The following ARFGAP3 variants were observed in gnomAD, a reference collection of about 807,000 sequenced individuals.
The protein encoded by ARFGAP3 is ADP-ribosylation factor GTPase-activating protein 3.
ARFGAP3 carries 72 observed loss-of-function variants against 75.0 expected under a neutral mutation model. The ratio of observed to expected loss-of-function variants is 0.96; its 90% CI spans 0.79 to 1.17. The LOEUF is 1.17. Among genes scored for constraint, ARFGAP3 ranks in the 50% most tolerant of loss-of-function variants. The pLI is 0.00. For missense variants in ARFGAP3, 620 were observed against 626.6 expected (o/e 0.99, Z 0.11); for synonymous variants, 221 against 217.9 (o/e 1.01, Z -0.13).
intron 2 of ARFGAP3, among the ~76,000 whole-genome samples, chr22:42,843,528 C>CCG (rs974927973): frequency 3.1e-4 from 47 of 152,290 alleles, no homozygotes; most frequent in African/African-American, 1.0e-3. Flanking sequence ...GCCACCATGC[C>CCG]CGGCCTTGTC....
At position 42,821,525 on chromosome 22, in the gene ARFGAP3, A is replaced by G. The variant is rs907616972; in HGVS notation, c.812+745T>C. 2.0e-5 allele frequency among the ~76,000 whole-genome samples: 3 copies of G among 152,298 alleles called. No individual in the cohort carries two copies. In the South Asian group the frequency reaches 6.2e-4, roughly 32 times the overall value. ...CTTCTTTCTTAGCATAAACTTTTCA[A>G]GGTTTATCCATGTTGTGGCCAATAT... On this transcript the variant is annotated intron_variant, in intron 9 of 15. Transcript: ENST00000263245.
At position 42,825,084 on chromosome 22, in the gene ARFGAP3, T is replaced by TC. The variant is rs1362491874; in HGVS notation, c.626-1383dup. On this transcript the variant is annotated intron_variant, in intron 7 of 15. Coordinates refer to ENST00000263245, the MANE Select transcript of ARFGAP3 (RefSeq NM_014570.5). ...CGCAGCCTGGACAACATAGGGAGAC[T>TC]CCATCTCCACAAACAAACAAACAAA... Among the ~76,000 whole-genome samples the TC allele has an allele frequency of 2.0e-5, 3 of 152,098 alleles. 1 individual carries two copies. The highest frequency in any genetic ancestry group is 7.2e-5 in the African/African-American group (3 of 41,420).
chr22:42,834,788 G>C (rs1246584850), intron 4 of ARFGAP3, among the ~76,000 whole-genome samples: 1 of 152,178 alleles, frequency 6.6e-6, no homozygotes, highest in Non-Finnish European at 1.5e-5. Context: ...ACACTACTCT[G>C]CCTTCTTGTT....
intron 3 of ARFGAP3, among the ~76,000 whole-genome samples, chr22:42,839,123 G>A (rs12165372): frequency 0.054 from 6,875 of 126,828 alleles, 408 homozygotes; most frequent in African/African-American, 0.15. Flanking sequence ...AAAAAAAAAA[G>A]AAAAAAAAAA....
chr22:42,802,572 C>T (rs898609058), intron 14 of ARFGAP3, among the ~76,000 whole-genome samples: 19 of 150,462 alleles, frequency 1.3e-4, no homozygotes, highest in African/African-American at 3.7e-4. Context: ...GGATTACAGG[C>T]GAGAGCCACC....
intron 7 of ARFGAP3, among the ~76,000 whole-genome samples, chr22:42,826,511 C>G (rs1192580022): frequency 1.3e-5 from 2 of 151,944 alleles, no homozygotes; most frequent in Non-Finnish European, 2.9e-5. Flanking sequence ...TCCCAAGTAG[C>G]TGGGACTACA....
In ARFGAP3 at chr22:42,826,930, A is replaced by C; in HGVS notation, c.625+10T>G. On this transcript the variant is annotated intron_variant, in intron 7 of 15. Transcript: ENST00000263245. ...CTTTAAATCAGAATGTAGGATTTTA[A>C]GCATATTACCTAAAGTAGCCTTTGT... 1 of 1,610,658 alleles carries C rather than the reference A, an allele frequency of 6.2e-7. No homozygotes were observed. The highest frequency in any genetic ancestry group is 8.5e-7 in the Non-Finnish European group (1 of 1,178,370).
chr22:42,803,320 C>T (rs1289386371), intron 14 of ARFGAP3, among the ~76,000 whole-genome samples: 1 of 152,098 alleles, frequency 6.6e-6, no homozygotes, highest in African/African-American at 2.4e-5. Context: ...GCAGTGCTTT[C>T]GAGGTCACAC....
chr22:42,836,007 G>T (rs1926506272), intron 3 of ARFGAP3, among the ~76,000 whole-genome samples: 1 of 129,398 alleles, frequency 7.7e-6, no homozygotes. Context: ...TTTTTTGAGA[G>T]AGTCTTGCTC....
At chr22:42,849,219 A>C (rs1358281498) in intron 1 of ARFGAP3, among the ~76,000 whole-genome samples, 2 of 152,020 alleles carry the variant, frequency 1.3e-5, no homozygotes, top group African/African-American at 4.8e-5. Context: ...CAAATTCCTG[A>C]CCCTCAGAAC....
rs369113449 is a variant in ARFGAP3 at position 42,842,366 on chromosome 22, T to C, written c.189-1350A>G. Among the ~76,000 whole-genome samples the C allele has an allele frequency of 1.5e-4, 22 of 147,078 alleles. No individual in the cohort carries two copies. The East Asian group carries it at 4.3e-3, about 28-fold the overall frequency. ...TCTTGTTATGTTGCCCAAGATGGTC[T>C]AGAACTCCTGGGCTCAGGCAATCCT... On this transcript the variant is annotated intron_variant, in intron 2 of 15. Coordinates refer to ENST00000263245, the MANE Select transcript of ARFGAP3 (RefSeq NM_014570.5).
rs1212451479 is a variant in ARFGAP3, at chr22:42,831,616, T to C, written c.498A>G (p.Ala166=). The stretch of plus-strand genomic sequence containing the variant: ...AAGAAGATGGTTCTGCTATTGCTGA[T>C]GCCCACGCTGTGTCACTCACCTGAA... ...VSPEVSDTAW[A]SAIAEPSSLT... The change falls in exon 6 of 16, where the codon GCA becomes GCG. Residue 166 remains alanine (A), a synonymous_variant. Coordinates refer to ENST00000263245, the MANE Select transcript of ARFGAP3 (RefSeq NM_014570.5). 6.2e-7 allele frequency: 1 copy of C among 1,614,014 alleles called. No homozygotes were observed. The highest frequency in any genetic ancestry group is 8.5e-7 in the Non-Finnish European group (1 of 1,180,002).
intron 6 of ARFGAP3, 140 bp from the exon 7 acceptor site, chr22:42,827,139 T>C (rs1031369449): frequency 2.5e-5 from 33 of 1,312,536 alleles, no homozygotes; most frequent in Admixed American, 3.5e-5. Flanking sequence ...CTGTATATTC[T>C]ATTTTAACGT....
chr22:42,806,975 T>C (rs1925151251), intron 14 of ARFGAP3, 98 bp downstream of exon 14: 1 of 1,217,746 alleles, frequency 8.2e-7, no homozygotes, highest in Admixed American at 3.1e-5. Flanking sequence ...CGAATAATGG[T>C]TGCTAAAATA....
intron 10 of ARFGAP3, 110 bp from the exon 11 acceptor site, chr22:42,817,374 G>GT: frequency 7.1e-7 from 1 of 1,406,828 alleles, no homozygotes; most frequent in South Asian, 1.5e-5. Context: ...TATTCGAGGG[G>GT]TTAAAAACAT....
At chr22:42,839,109 CAAAAAAAAAAAAAGAAA>C (rs1297636477) in intron 3 of ARFGAP3, among the ~76,000 whole-genome samples, 8 of 92,062 alleles carry the variant, frequency 8.7e-5, no homozygotes, top group Admixed American at 2.4e-4. Context: ...GATTCCGTCT[CAAAAAAAAAAAAAGAAA>C]AAAAAAAAAA....
In ARFGAP3 at chr22:42,840,931, G is replaced by C. The variant is rs775496328; in HGVS notation, c.261+13C>G. 13 of 1,612,856 alleles carry C rather than the reference G, an allele frequency of 8.1e-6. No individual in the cohort carries two copies. The highest frequency in any genetic ancestry group is 1.1e-5 in the Non-Finnish European group (13 of 1,179,346). Reference sequence around the variant, plus strand: ...AAACAAGAAGGAAAATGACGAGTTTGAGATGAACTTACTGCACTAGCGTTT... The same window carrying C: ...AAACAAGAAGGAAAATGACGAGTTTCAGATGAACTTACTGCACTAGCGTTT... On this transcript the variant is annotated intron_variant, in intron 3 of 15. Transcript: ENST00000263245.
At chr22:42,843,074 T>G (rs1403201474) in intron 2 of ARFGAP3, among the ~76,000 whole-genome samples, 1 of 152,004 alleles carries the variant, frequency 6.6e-6, no homozygotes, top group Non-Finnish European at 1.5e-5. Context: ...AGCTCAGATT[T>G]GCCTCCCCCC....
intron 1 of ARFGAP3, among the ~76,000 whole-genome samples, chr22:42,849,355 G>T (rs1927164536): frequency 1.3e-5 from 2 of 152,302 alleles, no homozygotes; most frequent in Admixed American, 1.3e-4. Context: ...ACTCTGTCCA[G>T]GTCACTTTGA....
Sources: allele counts gnomAD v4.1 joint callset (sites outside exome capture counted in the v4.1 genomes callset), GRCh38; gene constraint gnomAD v4.1.1; transcripts MANE v1.5; gene names NCBI Gene and HGNC (gene_info 2026-07-23, HGNC 2026-07-21).